Variants in PRR12 observed in about 807,000 individuals in gnomAD.
The protein encoded by PRR12 is proline-rich protein 12.
A neutral mutation model predicts 138.0 loss-of-function variants in PRR12; 12 were observed. That is an observed-to-expected ratio of 0.09 (90% CI 0.06 to 0.14). The LOEUF (loss-of-function observed/expected upper bound fraction) is 0.14. Ranked by LOEUF, PRR12 falls within the 10% of genes least tolerant of loss-of-function variation. PRR12 has a pLI of 1.00. For missense variants in PRR12, 2,692 were observed against 2,861.3 expected, an observed-to-expected ratio of 0.94 and a Z score of 1.35; for synonymous variants, 1,567 against 1,291.7, an observed-to-expected ratio of 1.21 and a Z score of -4.57.
chr19:49,599,584 G>T lies in PRR12; in HGVS notation c.3991G>T (p.Ala1331Ser), dbSNP rs368205783. The T allele has an allele frequency of 1.3e-6, 2 of 1,595,928 alleles. No individual in the cohort carries two copies. Among genetic ancestry groups the T allele is most frequent in the Non-Finnish European group, 1.7e-6 (2 of 1,170,902 alleles). Residue 1331 changes from alanine (A) to serine (S), a missense_variant, in exon 5 of 14, where the codon GCT (alanine) becomes TCT (serine). This residue lies in a region of PRR12 where 326 missense variants were observed against 344.2 expected (regional missense o/e 0.95). Transcript: ENST00000418929. This position sits in a 1 kb window ranked among gnomAD's most constrained non-coding sequence, Gnocchi z 5.0. ...GLQPQPPATPAVPHPPPSGAF... is the reference protein window; with the variant it reads ...GLQPQPPATPSVPHPPPSGAF... Reference sequence around the variant, plus strand: ...GCAGCCCCAGCCCCCTGCCACCCCTGCTGTGCCACATCCCCCACCTTCCGG... The same window carrying T: ...GCAGCCCCAGCCCCCTGCCACCCCTTCTGTGCCACATCCCCCACCTTCCGG...
At position 49,596,345 on chromosome 19, in the gene PRR12, C is replaced by T. The variant is rs746064145; in HGVS notation, c.2010C>T (p.Ala670=). The part of the protein sequence containing the change: ...GLVGEDGAAD[A]SKGLGGSGGA... ...TGGGCGAGGACGGGGCAGCAGATGC[C>T]TCTAAGGGACTTGGGGGGAGTGGCG... is the stretch of plus-strand genomic sequence containing the variant. The change falls in exon 4 of 14, where the codon GCC becomes GCT. Residue 670 remains alanine, a synonymous_variant. Coordinates refer to ENST00000418929, the MANE Select transcript of PRR12 (RefSeq NM_020719.3). The surrounding 1 kb of genome is among the most constrained non-coding windows in gnomAD (Gnocchi z 5.6). The T allele has an allele frequency of 1.2e-6, 2 of 1,609,702 alleles. No individual in the cohort carries two copies. The highest frequency in any genetic ancestry group is 1.7e-6 in the Non-Finnish European group (2 of 1,179,512).
chr19:49,620,974 G>A (rs1264425416), intron 10 of PRR12, among the ~76,000 whole-genome samples: 1 of 135,850 alleles, frequency 7.4e-6, no homozygotes, highest in African/African-American at 2.8e-5. Flanking sequence ...GGGTCTGAGG[G>A]AGGAGGGACT....
intron 6 of PRR12, among the ~76,000 whole-genome samples, chr19:49,609,251 G>A (rs901057597): frequency 3.3e-5 from 5 of 152,164 alleles, no homozygotes; most frequent in African/African-American, 7.2e-5. Flanking sequence ...GCTGCAGTGA[G>A]CCAAGATTGC....
chr19:49,592,437 G>T (rs1235953409), intron 1 of PRR12, among the ~76,000 whole-genome samples: 1 of 152,184 alleles, frequency 6.6e-6, no homozygotes, highest in East Asian at 1.9e-4. Context: ...TGTTTCCCGG[G>T]TGTGTGTTTG....
At position 49,624,839 on chromosome 19, in the gene PRR12, C is replaced by T. The variant is rs780397200; in HGVS notation, c.5722-5C>T. 7.5e-6 allele frequency: 12 copies of T among 1,610,186 alleles called. No individual in the cohort carries two copies. The highest frequency in any genetic ancestry group is 5.0e-5 in the Admixed American group (3 of 59,722). Reference sequence around the variant, plus strand: ...GCATCCAGCTGACCCATTGGCTTCCCGCAGGATGCTCTGCACACGTTCCCA... The same window carrying T: ...GCATCCAGCTGACCCATTGGCTTCCTGCAGGATGCTCTGCACACGTTCCCA... On this transcript the variant is annotated splice_region_variant and splice_polypyrimidine_tract_variant and intron_variant, in intron 11 of 13. Transcript: ENST00000418929.
chr19:49,593,447 C>T lies in PRR12; in HGVS notation c.199+8C>T, dbSNP rs959107001. 9 of 1,427,326 alleles carry T rather than the reference C, an allele frequency of 6.3e-6. No homozygotes were observed. Among genetic ancestry groups the T allele is most frequent in the African/African-American group, 2.8e-5 (2 of 70,846 alleles). The allele number at this position is 1,427,326 out of a possible 1,614,324, so 88.4% of individuals were successfully genotyped here. A position where few individuals can be genotyped will look rare whatever the true frequency, so the allele number is the denominator to read the frequency against. ...CCAACCACCACCCGGCAGGTACGGC[C>T]CCCATCCCGCCCCGCTTTGGGCTGG... On this transcript the variant is annotated splice_region_variant and intron_variant, in intron 2 of 13. Coordinates refer to ENST00000418929, the MANE Select transcript of PRR12 (RefSeq NM_020719.3).
intron 1 of PRR12, among the ~76,000 whole-genome samples, chr19:49,592,519 T>G (rs1188974235): frequency 6.6e-6 from 1 of 152,046 alleles, no homozygotes; most frequent in African/African-American, 2.4e-5. Flanking sequence ...CCTTTCCTGT[T>G]GCTTATTGGT....
Position 49,615,957 on chromosome 19 carries a change from G to A in PRR12, c.5235G>A (p.Glu1745=). Residue 1745 remains glutamate (E), a synonymous_variant, in exon 9 of 14, where the codon GAG becomes GAA. Transcript: ENST00000418929. ...LRPVEKEKEK[E]KVTRGERPLR... is the part of the protein sequence containing the mutation. ...CTGTTGAGAAGGAAAAGGAGAAGGA[G>A]AAGGTGACACGTGGAGAGCGGCCAT... 1 of 1,553,312 alleles carries A rather than the reference G, an allele frequency of 6.4e-7. No homozygotes were observed. The highest frequency in any genetic ancestry group is 1.7e-4 in the Middle Eastern group (1 of 5,996).
chr19:49,602,833 T>TGAGC (rs1395471314), intron 6 of PRR12, among the ~76,000 whole-genome samples: 5 of 152,226 alleles, frequency 3.3e-5, no homozygotes, highest in African/African-American at 1.2e-4. Context: ...ATTACAGGTG[T>TGAGC]GAGCCACTGT....
rs1181146879 is a variant in PRR12 at position 49,614,340 on chromosome 19, C to T, written c.4774-193C>T. Among the ~76,000 whole-genome samples the T allele has an allele frequency of 1.3e-5, 2 of 152,164 alleles. No homozygotes were observed. The highest frequency in any genetic ancestry group is 2.9e-5 in the Non-Finnish European group (2 of 68,036). ...AGCCCAATCCAGGGTACTGGGTGGG[C>T]AGGAGGCGACAGGGTCAAGTTCAAG... On this transcript the variant is annotated intron_variant, in intron 6 of 13. Coordinates refer to ENST00000418929, the MANE Select transcript of PRR12 (RefSeq NM_020719.3). The surrounding 1 kb of genome is among the most constrained non-coding windows in gnomAD (Gnocchi z 5.0).
At position 49,606,828 on chromosome 19, in the gene PRR12, G is replaced by A. The variant is rs1378949777; in HGVS notation, c.4773+4910G>A. 7.9e-5 allele frequency among the ~76,000 whole-genome samples: 12 copies of A among 151,224 alleles called. No homozygotes were observed. In the East Asian group the frequency reaches 2.3e-3, roughly 30 times the overall value. On this transcript the variant is annotated intron_variant, in intron 6 of 13. Transcript: ENST00000418929. ...TGCCTGGCTAATTTTTGTATTTTTA[G>A]TAGAGATGGGGTTTCACCATGTTGG...
chr19:49,599,193 G>A lies in PRR12; in HGVS notation c.3679-79G>A. 1.5e-6 allele frequency: 2 copies of A among 1,375,318 alleles called. No individual in the cohort carries two copies. Among genetic ancestry groups the A allele is most frequent in the Non-Finnish European group, 1.9e-6 (2 of 1,036,234 alleles). 85.2% of individuals were successfully genotyped at this position (1,375,318 alleles called of 1,614,324 possible). The stretch of plus-strand genomic sequence containing the variant: ...TCACAGGCTGAGCACCTGTAAATTT[G>A]GATTTTTGGGGGCTGAGGGAGGATG... On this transcript the variant is annotated intron_variant, in intron 4 of 13. Transcript: ENST00000418929. This position sits in a 1 kb window ranked among gnomAD's most constrained non-coding sequence, Gnocchi z 5.0.
chr19:49,607,164 G>A (rs1411757008), intron 6 of PRR12, among the ~76,000 whole-genome samples: 1 of 151,956 alleles, frequency 6.6e-6, no homozygotes, highest in Admixed American at 6.6e-5. Context: ...ATTAGCCATA[G>A]GAATGCATTT....
chr19:49,601,659 C>T lies in PRR12; in HGVS notation c.4514C>T (p.Pro1505Leu), dbSNP rs2080811776. Residue 1505 changes from proline (P) to leucine (L), a missense_variant, in exon 6 of 14, where the codon CCT becomes CTT. Physicochemically the swap from Pro to Leu is moderately conservative, Grantham distance 98. Around this residue, in one of 11 missense-constraint regions of PRR12, gnomAD observed 231 missense variants for 200.8 expected, o/e 1.15. Coordinates refer to ENST00000418929, the MANE Select transcript of PRR12 (RefSeq NM_020719.3). ...CCGCCACCGCCGCTGCCGCCGCCAC[C>T]TCCACCAGCCATGCCCTCGCCTCCA... is the stretch of plus-strand genomic sequence containing the variant. ...SPPPPPLPPP[P>L]PPAMPSPPPP... 1 of 1,538,198 alleles carries T rather than the reference C, an allele frequency of 6.5e-7. No homozygotes were observed. The highest frequency in any genetic ancestry group is 8.7e-7 in the Non-Finnish European group (1 of 1,145,704).
At chr19:49,618,862 C>T (rs1450882483) in intron 9 of PRR12, among the ~76,000 whole-genome samples, 1 of 151,978 alleles carries the variant, frequency 6.6e-6, no homozygotes, top group African/African-American at 2.4e-5. Context: ...ACTTCAGCCT[C>T]ACTCCTCCAG....
rs769798896 is a variant in PRR12, at chr19:49,595,791, C to G, written c.1456C>G (p.Pro486Ala). Residue 486 changes from proline (P) to alanine (A), a missense_variant, in exon 4 of 14, where the codon CCC becomes GCC. By Grantham distance (27) the Pro-to-Ala change is conservative. This residue lies in a region of PRR12 where 523 missense variants were observed against 496.4 expected (regional missense o/e 1.05). Coordinates refer to ENST00000418929, the MANE Select transcript of PRR12 (RefSeq NM_020719.3). ...GGGCCCCCCACAGCCCCCCAGCGGC[C>G]CCCCTCCTCCTGGCCTGGCCACATG... ...SGGPPQPPSG[P>A]PPPGLATCQS... 1 of 1,598,178 alleles carries G rather than the reference C, an allele frequency of 6.3e-7. No individual in the cohort carries two copies. The highest frequency in any genetic ancestry group is 8.5e-7 in the Non-Finnish European group (1 of 1,174,184).
rs775514333 is a variant in PRR12, at chr19:49,599,808, C to A, written c.4215C>A (p.Leu1405=). 1 of 1,613,602 alleles carries A rather than the reference C, an allele frequency of 6.2e-7. No individual in the cohort carries two copies. Among genetic ancestry groups the A allele is most frequent in the Admixed American group, 1.7e-5 (1 of 60,020 alleles). Residue 1405 remains leucine (L), a synonymous_variant, in exon 5 of 14, where the codon CTC becomes CTA. Transcript: ENST00000418929. This position sits in a 1 kb window ranked among gnomAD's most constrained non-coding sequence, Gnocchi z 5.0. ...GCATCTCCTCCGCCATCTCTGCCCT[C>A]GATGACCCACCCCTTGCTGGGCCAA... is the stretch of plus-strand genomic sequence containing the variant. The part of the protein sequence containing the change: ...QESISSAISA[L]DDPPLAGPKD...
At chr19:49,618,144 T>C (rs1054072793) in intron 9 of PRR12, among the ~76,000 whole-genome samples, 4 of 152,086 alleles carry the variant, frequency 2.6e-5, no homozygotes, top group African/African-American at 9.7e-5. Flanking sequence ...TTTTTCAGGG[T>C]TGTCCAGGGT....
At chr19:49,598,844 GGA>G (rs2122307302) in intron 4 of PRR12, among the ~76,000 whole-genome samples, 1 of 152,262 alleles carries the variant, frequency 6.6e-6, no homozygotes, top group African/African-American at 2.4e-5. Flanking sequence ...CTGGGTTTAG[GGA>G]GAGAGGCAGG....
Sources: gnomAD v4.1 joint callset for allele counts (sites outside exome capture counted in the v4.1 genomes callset) on GRCh38, gnomAD v4.1.1 for gene constraint, gnomAD v4.1.1 regional missense constraint, Gnocchi (gnomAD v3.1) non-coding constraint, MANE v1.5 for transcripts, NCBI Gene and HGNC (gene_info 2026-07-23, HGNC 2026-07-21) for gene names.